Variants in ELAC2 observed in about 807,000 individuals in gnomAD.
ELAC2 encodes elaC ribonuclease Z 2.
A neutral mutation model predicts 105.2 loss-of-function variants in ELAC2; 92 were observed. The ratio of observed to expected loss-of-function variants is 0.87; its 90% confidence interval spans 0.74 to 1.04. The LOEUF is 1.04. Ranked by LOEUF, ELAC2 falls within the 50% of genes least tolerant of loss-of-function variation. The pLI, the probability that ELAC2 is intolerant of heterozygous loss-of-function variation, is 0.00. For missense variants in ELAC2, 1,099 were observed against 1,071.7 expected (o/e 1.03, Z -0.36); for synonymous variants, 468 against 409.1 (o/e 1.14, Z -1.74).
At chr17:13,000,093 T>C in intron 15 of ELAC2, 63 bp downstream of exon 15, 2 of 1,512,388 alleles carry the variant, frequency 1.3e-6, no homozygotes, top group South Asian at 1.1e-5. Context: ...CACTTAATGC[T>C]AGGAAAACAG....
At position 13,015,694 on chromosome 17, in the gene ELAC2, A is replaced by C. The variant is rs1425320000; in HGVS notation, c.432+74T>G. On this transcript the variant is annotated intron_variant, in intron 4 of 23. Coordinates refer to ENST00000338034, the MANE Select transcript of ELAC2 (RefSeq NM_018127.7). ...TCTGGAGGGCAGAAGACTGATTTGC[A>C]AAAAGGAAAATTCTTGTTACTGATA... The C allele has an allele frequency of 4.3e-6, 6 of 1,385,582 alleles. No individual in the cohort carries two copies. The East Asian group carries it at 1.1e-4, about 26-fold the overall frequency. 85.8% of individuals were successfully genotyped at this position (1,385,582 alleles called of 1,614,324 possible). A position where few individuals can be genotyped will look rare whatever the true frequency, so the allele number is the denominator to read the frequency against.
intron 15 of ELAC2, among the ~76,000 whole-genome samples, chr17:12,998,924 C>A (rs1004245948): frequency 6.6e-6 from 1 of 152,224 alleles, no homozygotes; most frequent in Non-Finnish European, 1.5e-5. Flanking sequence ...ACCTTCAATT[C>A]TCAGCCCGCA....
chr17:12,994,664 C>G, intron 21 of ELAC2, 100 bp downstream of exon 21: 1 of 1,608,814 alleles, frequency 6.2e-7, no homozygotes, highest in Non-Finnish European at 8.5e-7. Flanking sequence ...CCTGAGTCTC[C>G]TGCCTCTGCT....
chr17:13,002,756 G>C (rs112316688), intron 12 of ELAC2, 177 bp from the exon 13 acceptor site: 1 of 992,380 alleles, frequency 1.0e-6, no homozygotes, highest in African/African-American at 1.6e-5. Flanking sequence ...CTCAAAGCCC[G>C]GTGTTCCCTA....
In ELAC2 at chr17:13,016,372, C is replaced by T. The variant is rs557066460; in HGVS notation, c.367+490G>A. Among the ~76,000 whole-genome samples the T allele has an allele frequency of 4.6e-5, 7 of 152,318 alleles. No homozygotes were observed. In the East Asian group the frequency reaches 1.3e-3, roughly 29 times the overall value. ...CCAGTTTACTGCCACAAATCTCTGT[C>T]CCCGCAACGCAAGAAACTAAGTGGA... On this transcript the variant is annotated intron_variant, in intron 3 of 23. Transcript: ENST00000338034.
chr17:12,994,734 T>C (rs1341135265), intron 21 of ELAC2, 30 bp downstream of exon 21: 1 of 1,613,416 alleles, frequency 6.2e-7, no homozygotes, highest in Non-Finnish European at 8.5e-7. Context: ...CAGAGCAACC[T>C]CAGGGTGGCT....
intron 3 of ELAC2, 96 bp downstream of exon 3, chr17:13,016,766 A>AT: frequency 1.7e-6 from 2 of 1,202,490 alleles, no homozygotes. Context: ...AAAAAAAAAA[A>AT]AGTAGCTGCC....
chr17:13,006,010 A>C (rs2041088452), intron 8 of ELAC2, 31 bp from the exon 9 acceptor site: 1 of 1,602,712 alleles, frequency 6.2e-7, no homozygotes, highest in Admixed American at 1.7e-5. Flanking sequence ...ATGTGATCTT[A>C]GGGGCTAATG....
chr17:13,017,145 A>G (rs768721274), intron 1 of ELAC2, 24 bp from the exon 2 acceptor site: 3 of 1,608,530 alleles, frequency 1.9e-6, no homozygotes, highest in Non-Finnish European at 2.6e-6. Flanking sequence ...ATTACACAAG[A>G]CATTCAGAAG....
intron 1 of ELAC2, 49 bp downstream of exon 1, chr17:13,017,654 T>C: frequency 6.2e-7 from 1 of 1,612,432 alleles, no homozygotes; most frequent in South Asian, 1.1e-5. Flanking sequence ...GCTCAGAGGC[T>C]GCGCCGCACT....
intron 3 of ELAC2, among the ~76,000 whole-genome samples, 180 bp downstream of exon 3, chr17:13,016,682 A>G (rs1277646946): frequency 7.1e-6 from 1 of 141,092 alleles, no homozygotes; most frequent in Non-Finnish European, 1.5e-5. Context: ...TGGGAGGCTG[A>G]GGTGAGGGGA....
chr17:13,000,295 A>G (rs761281443), intron 14 of ELAC2, 21 bp from the exon 15 acceptor site: 7 of 1,609,012 alleles, frequency 4.4e-6, no homozygotes, highest in Non-Finnish European at 6.0e-6. Flanking sequence ...AGAGAGAAGC[A>G]TCTCAGGTGA....
intron 8 of ELAC2, among the ~76,000 whole-genome samples, chr17:13,007,683 GC>G (rs1567762537): frequency 6.6e-6 from 1 of 152,104 alleles, no homozygotes; most frequent in Non-Finnish European, 1.5e-5. Context: ...TTCAAGACCA[GC>G]CTGGCCAACA....
intron 1 of ELAC2, 180 bp downstream of exon 1, chr17:13,017,523 G>T: frequency 1.6e-6 from 2 of 1,268,410 alleles, no homozygotes; most frequent in African/African-American, 1.5e-5. Flanking sequence ...TCACAGATCC[G>T]CAGAAATCAC....
At chr17:13,006,248 T>C (rs2041101777) in intron 8 of ELAC2, 3 of 427,368 alleles carry the variant, frequency 7.0e-6, no homozygotes, top group South Asian at 6.5e-5. Context: ...CACGTGCCTG[T>C]AATCCCAGCA....
intron 5 of ELAC2, among the ~76,000 whole-genome samples, chr17:13,013,980 C>T (rs1448245606): frequency 1.3e-5 from 2 of 152,288 alleles, no homozygotes; most frequent in East Asian, 1.9e-4. Context: ...CCTATTTTTA[C>T]AGCATGAGGT....
At chr17:13,006,069 TAAA>T in intron 8 of ELAC2, 90 bp from the exon 9 acceptor site, 1 of 1,320,818 alleles carries the variant, frequency 7.6e-7, no homozygotes, top group Non-Finnish European at 1.1e-6. Context: ...TTTTCTAGAT[TAAA>T]AAAAAATAAT....
intron 2 of ELAC2, 68 bp from the exon 3 acceptor site, chr17:13,017,000 C>T: frequency 6.2e-7 from 1 of 1,612,270 alleles, no homozygotes; most frequent in Non-Finnish European, 8.5e-7. Context: ...CTATAAAAAA[C>T]AACTGGCCTC....
chr17:13,012,846 T>C (rs1274877892), intron 6 of ELAC2, among the ~76,000 whole-genome samples: 1 of 152,204 alleles, frequency 6.6e-6, no homozygotes, highest in Non-Finnish European at 1.5e-5. Context: ...AATCATTATT[T>C]ATTTAAAAAA....
Sources: gnomAD v4.1 joint callset for allele counts (sites outside exome capture counted in the v4.1 genomes callset) on GRCh38, gnomAD v4.1.1 for gene constraint, MANE v1.5 for transcripts, NCBI Gene and HGNC (gene_info 2026-07-23, HGNC 2026-07-21) for gene names.